Variants in LVRN observed in about 807,000 individuals in gnomAD.
LVRN encodes the protein laeverin.
Under a neutral mutation model 111.4 loss-of-function variants are expected in LVRN, and 99 were observed. The ratio of observed to expected loss-of-function variants is 0.89; its 90% CI spans 0.76 to 1.05. The LOEUF (loss-of-function observed/expected upper bound fraction) is 1.05, where lower values mean the gene tolerates loss of function less well. Among genes scored for constraint, LVRN ranks in the 50% least tolerant of loss-of-function variants. LVRN has a pLI of 0.00. For synonymous variants in LVRN, 488 were observed against 449.5 expected (o/e 1.09, Z -1.08); for missense variants, 1,414 against 1,206.8 (o/e 1.17, Z -2.54).
Position 115,999,914 on chromosome 5 carries a change from T to C in LVRN, c.1515+12T>C. On this transcript the variant is annotated intron_variant, in intron 7 of 19. Coordinates refer to ENST00000357872, the MANE Select transcript of LVRN (RefSeq NM_173800.5). ...TTACTTACAGCAAGGTAAAAGCAGT[T>C]AGAAATTTCCTTTGGTTTTGTACTC... The C allele has an allele frequency of 6.2e-7, 1 of 1,600,382 alleles. No homozygotes were observed. Among genetic ancestry groups the C allele is most frequent in the Non-Finnish European group, 8.5e-7 (1 of 1,175,764 alleles).
intron 18 of LVRN, among the ~76,000 whole-genome samples, chr5:116,019,719 T>C (rs1748674154): frequency 6.6e-6 from 1 of 152,242 alleles, no homozygotes; most frequent in Admixed American, 6.5e-5. Flanking sequence ...GCAGAGGGGC[T>C]TTGCGCCCCT....
intron 12 of LVRN, among the ~76,000 whole-genome samples, chr5:116,004,783 A>G (rs1402016673): frequency 1.3e-5 from 2 of 152,196 alleles, no homozygotes; most frequent in African/African-American, 2.4e-5. Flanking sequence ...AATATACCAA[A>G]CTTAAAGGGT....
chr5:115,962,520 G>C lies in LVRN; in HGVS notation c.-98G>C, dbSNP rs2112540461. On this transcript the variant is annotated 5_prime_UTR_variant, in exon 1 of 20. Coordinates refer to ENST00000357872, the MANE Select transcript of LVRN (RefSeq NM_173800.5). ...GGAGGAAGAGGCACGATACAAGAGAGGAGGGGCAGGGGTCGCAGCACTGAA... is the reference window on the plus strand; with the variant it reads ...GGAGGAAGAGGCACGATACAAGAGACGAGGGGCAGGGGTCGCAGCACTGAA... 1.8e-6 allele frequency: 2 copies of C among 1,081,154 alleles called. No homozygotes were observed. The highest frequency in any genetic ancestry group is 2.5e-5 in the East Asian group (1 of 40,548). 67.0% of individuals were successfully genotyped at this position (1,081,154 alleles called of 1,614,324 possible). A position where few individuals can be genotyped will look rare whatever the true frequency, so the allele number is the denominator to read the frequency against.
chr5:115,975,307 A>G, intron 1 of LVRN: 1 of 329,358 alleles, frequency 3.0e-6, no homozygotes, highest in Non-Finnish European at 5.8e-6. Flanking sequence ...AAAGTTATTC[A>G]TTTGCAGATC....
At chr5:115,969,911 G>A (rs367917243) in intron 1 of LVRN, among the ~76,000 whole-genome samples, 2 of 151,168 alleles carry the variant, frequency 1.3e-5, no homozygotes, top group African/African-American at 4.9e-5. Flanking sequence ...GAGCATATTA[G>A]ACATATTTAT....
At chr5:116,014,855 ATG>A (rs1194135355) in intron 16 of LVRN, among the ~76,000 whole-genome samples, 4 of 152,088 alleles carry the variant, frequency 2.6e-5, no homozygotes, top group African/African-American at 4.8e-5. Flanking sequence ...TGTTATATCT[ATG>A]AGTGCAGCAG....
At chr5:116,020,398 A>T (rs1236732946) in intron 18 of LVRN, among the ~76,000 whole-genome samples, 12 of 152,202 alleles carry the variant, frequency 7.9e-5, no homozygotes, top group Non-Finnish European at 1.5e-5. Context: ...TCTCTGTTAA[A>T]TGGGCTTCAC....
intron 6 of LVRN, among the ~76,000 whole-genome samples, chr5:115,996,135 T>A (rs759995189): frequency 6.6e-6 from 1 of 152,218 alleles, no homozygotes; most frequent in Non-Finnish European, 1.5e-5. Context: ...GGGTATGTCC[T>A]AAATTAACTC....
At chr5:115,978,749 C>T (rs1318250057) in intron 1 of LVRN, among the ~76,000 whole-genome samples, 3 of 152,080 alleles carry the variant, frequency 2.0e-5, no homozygotes, top group African/African-American at 7.2e-5. Flanking sequence ...CTTTTCTTTA[C>T]CTCACGTTTC....
intron 1 of LVRN, 64 bp downstream of exon 1, chr5:115,963,376 G>T (rs1320518446): frequency 2.2e-6 from 3 of 1,383,818 alleles, no homozygotes; most frequent in African/African-American, 2.9e-5. Flanking sequence ...GCAGGCTGCG[G>T]GTCCAGCTGA....
intron 1 of LVRN, 133 bp from the exon 2 acceptor site, chr5:115,983,154 G>GA (rs1747749938): frequency 1.1e-6 from 1 of 913,834 alleles, no homozygotes; most frequent in South Asian, 1.9e-5. Context: ...GTGATGGGAT[G>GA]GGCAGTGAGG....
chr5:115,968,273 T>A (rs1753244817), intron 1 of LVRN, among the ~76,000 whole-genome samples: 1 of 6,490 alleles, frequency 1.5e-4, no homozygotes, highest in Non-Finnish European at 3.1e-4. Context: ...CTATTCATAT[T>A]TTTTTCTGAG....
rs964167464 is a variant in LVRN, at chr5:115,962,522, AG to A, written c.-92del. ...AGGAAGAGGCACGATACAAGAGAGG[AG>A]GGGCAGGGGTCGCAGCACTGAACAC... is the stretch of plus-strand genomic sequence containing the variant. On this transcript the variant is annotated 5_prime_UTR_variant, in exon 1 of 20. Transcript: ENST00000357872. 1.8e-6 allele frequency: 2 copies of A among 1,088,730 alleles called. No homozygotes were observed. The highest frequency in any genetic ancestry group is 2.7e-6 in the Non-Finnish European group (2 of 743,588). 67.4% of individuals were successfully genotyped at this position (1,088,730 alleles called of 1,614,324 possible). A position where few individuals can be genotyped will look rare whatever the true frequency, so the allele number is the denominator to read the frequency against.
rs1748501687 is a variant in LVRN at position 116,012,045 on chromosome 5, G to A, written c.2248-329G>A. On this transcript the variant is annotated intron_variant, in intron 14 of 19. Coordinates refer to ENST00000357872, the MANE Select transcript of LVRN (RefSeq NM_173800.5). ...ATTTTGAACATAACTGGAAATGTAT[G>A]GGATGATGTTAAATGATCATTATAG... Among the ~76,000 whole-genome samples the A allele has an allele frequency of 2.0e-5, 3 of 152,082 alleles. No individual in the cohort carries two copies. In the South Asian group the frequency reaches 6.2e-4, roughly 32 times the overall value.
At chr5:116,010,164 T>C (rs1010725555) in intron 13 of LVRN, among the ~76,000 whole-genome samples, 2 of 152,224 alleles carry the variant, frequency 1.3e-5, no homozygotes, top group African/African-American at 2.4e-5. Context: ...AATAAGCTAC[T>C]TTTAAATTAA....
chr5:116,018,503 T>C (rs1019434893), intron 18 of LVRN, among the ~76,000 whole-genome samples: 1 of 151,894 alleles, frequency 6.6e-6, no homozygotes, highest in Non-Finnish European at 1.5e-5. Flanking sequence ...AGAAACCCCG[T>C]CACTACTAAA....
At chr5:116,001,919 T>C (rs1748246830) in intron 10 of LVRN, among the ~76,000 whole-genome samples, 1 of 152,242 alleles carries the variant, frequency 6.6e-6, no homozygotes, top group South Asian at 2.1e-4. Flanking sequence ...TAGCCTAGCC[T>C]TTATCCCTTT....
In LVRN at chr5:115,993,863, G is replaced by A. The variant is rs889397848; in HGVS notation, c.1374+9G>A. On this transcript the variant is annotated intron_variant, in intron 6 of 19. Coordinates refer to ENST00000357872, the MANE Select transcript of LVRN (RefSeq NM_173800.5). ...ATCCTAAACTCCCAAGAGTAAGTAT[G>A]TTTACTAAGTTTATTTAACATTTTT... 7 of 1,464,916 alleles carry A rather than the reference G, an allele frequency of 4.8e-6. No homozygotes were observed. Among genetic ancestry groups the A allele is most frequent in the Admixed American group, 2.0e-5 (1 of 48,972 alleles). The allele number at this position is 1,464,916 out of a possible 1,614,324, so 90.7% of individuals were successfully genotyped here.
chr5:116,010,020 T>A (rs979535832), intron 13 of LVRN, among the ~76,000 whole-genome samples: 1 of 152,204 alleles, frequency 6.6e-6, no homozygotes, highest in African/African-American at 2.4e-5. Context: ...AATTGAGCAA[T>A]TTGGCAAACT....
Sources: allele counts gnomAD v4.1 joint callset (sites outside exome capture counted in the v4.1 genomes callset), GRCh38; gene constraint gnomAD v4.1.1; transcripts MANE v1.5; gene names NCBI Gene and HGNC (gene_info 2026-07-23, HGNC 2026-07-21).